PCNX1: variants seen among roughly 807,000 people sequenced by gnomAD.
PCNX1 encodes the protein pecanex 1, also known as pecanex-like protein 1.
PCNX1 carries 78 observed loss-of-function variants against 242.2 expected under a neutral mutation model. The ratio of observed to expected loss-of-function variants is 0.32; its 90% CI spans 0.27 to 0.39. The LOEUF (loss-of-function observed/expected upper bound fraction) is 0.39, where lower values mean the gene tolerates loss of function less well. PCNX1 is among the 10% of genes least tolerant of loss of function. The pLI is 1.00. For missense variants in PCNX1, 2,581 were observed against 2,856.5 expected, an observed-to-expected ratio of 0.90 and a Z score of 2.20; for synonymous variants, 1,024 against 1,032.9, an observed-to-expected ratio of 0.99 and a Z score of 0.17.
At chr14:70,912,555 C>T (rs1209691853) in intron 1 of PCNX1, among the ~76,000 whole-genome samples, 3 of 151,772 alleles carry the variant, frequency 2.0e-5, no homozygotes, top group Non-Finnish European at 4.4e-5. Context: ...ACAACACTGC[C>T]ACAAAATGTT....
intron 2 of PCNX1, among the ~76,000 whole-genome samples, chr14:70,948,459 A>C (rs2057549582): frequency 1.3e-5 from 2 of 152,108 alleles, no homozygotes; most frequent in African/African-American, 4.8e-5. Flanking sequence ...ACTGTATGAT[A>C]GTTACTTACA....
intron 1 of PCNX1, among the ~76,000 whole-genome samples, chr14:70,915,249 T>C (rs1452569709): frequency 1.3e-5 from 2 of 152,186 alleles, no homozygotes. Flanking sequence ...ATAGGTTTTA[T>C]CAGAACTCAA....
intron 25 of PCNX1, among the ~76,000 whole-genome samples, 156 bp downstream of exon 25, chr14:71,055,718 T>C (rs751974394): frequency 1.4e-4 from 22 of 152,188 alleles, no homozygotes; most frequent in Non-Finnish European, 2.8e-4. Context: ...GCAAAATATA[T>C]ATAAATTACA....
intron 1 of PCNX1, among the ~76,000 whole-genome samples, chr14:70,929,248 T>C (rs1006500674): frequency 3.3e-5 from 5 of 152,218 alleles, no homozygotes; most frequent in South Asian, 2.1e-4. Flanking sequence ...GTTTTTTTTT[T>C]TCCCCTCTTA....
intron 1 of PCNX1, among the ~76,000 whole-genome samples, chr14:70,915,929 CAAGGATGAAGGGATAAAGGATG>C (rs1712231295): frequency 6.6e-6 from 1 of 151,810 alleles, no homozygotes; most frequent in South Asian, 2.1e-4. Context: ...AGGAAGGAGG[CAAGGATGAAGGGATAAAGGATG>C]AAGGATGAAG....
At chr14:71,050,791 G>A (rs1474380462) in intron 23 of PCNX1, 31 bp downstream of exon 23, 4 of 1,594,528 alleles carry the variant, frequency 2.5e-6, no homozygotes, top group African/African-American at 2.7e-5. Flanking sequence ...TTATAAGAAT[G>A]GACAGTCATA....
chr14:71,096,350 G>T (rs1046889017), intron 30 of PCNX1, among the ~76,000 whole-genome samples: 2 of 151,990 alleles, frequency 1.3e-5, no homozygotes, highest in African/African-American at 4.8e-5. Context: ...GCATGGGGGC[G>T]TGTGCCTGTA....
intron 19 of PCNX1, among the ~76,000 whole-genome samples, chr14:71,041,360 A>ATGGCTTTG (rs2060698763): frequency 6.6e-6 from 1 of 152,058 alleles, no homozygotes; most frequent in Admixed American, 6.6e-5. Flanking sequence ...ACTTTTTATT[A>ATGGCTTTG]TGGCTTTGAT....
chr14:71,046,915 A>G, intron 20 of PCNX1, 49 bp from the exon 21 acceptor site: 1 of 1,459,450 alleles, frequency 6.9e-7, no homozygotes, highest in Non-Finnish European at 9.1e-7. Context: ...TCACATTGAC[A>G]AACTATACAT....
chr14:70,911,471 T>C (rs2526876), intron 1 of PCNX1, among the ~76,000 whole-genome samples: 96,316 of 152,048 alleles, frequency 0.63, 30,785 homozygotes, highest in South Asian at 0.72. Context: ...AAAATTTTTG[T>C]TTCTTAATTC....
chr14:71,052,138 C>A, intron 24 of PCNX1, 126 bp downstream of exon 24: 1 of 679,604 alleles, frequency 1.5e-6, no homozygotes. Flanking sequence ...TTTGCTAAAA[C>A]TTAATAAATA....
At chr14:70,938,920 C>T (rs867681720) in intron 1 of PCNX1, among the ~76,000 whole-genome samples, 19 of 152,198 alleles carry the variant, frequency 1.2e-4, no homozygotes, top group African/African-American at 3.1e-4. Flanking sequence ...TTTGCGTAGA[C>T]GTGTTTATGG....
At chr14:71,065,427 G>A (rs2061422602) in intron 26 of PCNX1, among the ~76,000 whole-genome samples, 1 of 152,138 alleles carries the variant, frequency 6.6e-6, no homozygotes, top group Admixed American at 6.5e-5. Context: ...CTTTTGAGAA[G>A]TGTCTGTTCA....
At position 71,028,568 on chromosome 14, in the gene PCNX1, T is replaced by C. The variant is rs2060298459; in HGVS notation, c.3467-132T>C. On this transcript the variant is annotated intron_variant, in intron 15 of 35. Coordinates refer to ENST00000304743, the MANE Select transcript of PCNX1 (RefSeq NM_014982.3). ...TGAAAGAAATAATGAAGTAACTGAATTTCTGAAATTCAGATTAGTAGATAT... is the reference window on the plus strand; with the variant it reads ...TGAAAGAAATAATGAAGTAACTGAACTTCTGAAATTCAGATTAGTAGATAT... 2.6e-5 allele frequency: 15 copies of C among 568,496 alleles called. No homozygotes were observed. In the South Asian group the frequency reaches 3.7e-4, roughly 14 times the overall value. The allele number at this position is 568,496 out of a possible 1,614,324, so 35.2% of individuals were successfully genotyped here. A position where few individuals can be genotyped will look rare whatever the true frequency, so the allele number is the denominator to read the frequency against.
At chr14:70,998,750 CAAAAA>C (rs34044438) in intron 8 of PCNX1, among the ~76,000 whole-genome samples, 3 of 89,086 alleles carry the variant, frequency 3.4e-5, no homozygotes, top group East Asian at 3.2e-4. Flanking sequence ...GACCCTATCT[CAAAAA>C]AAAAAAAAAA....
chr14:71,041,529 C>T (rs1043827261), intron 19 of PCNX1, among the ~76,000 whole-genome samples: 7 of 152,016 alleles, frequency 4.6e-5, no homozygotes, highest in African/African-American at 1.7e-4. Context: ...TGAATTTTTG[C>T]GCTATTAATC....
chr14:70,965,160 C>T (rs1024043405), intron 3 of PCNX1, among the ~76,000 whole-genome samples: 2 of 152,142 alleles, frequency 1.3e-5, no homozygotes, highest in Non-Finnish European at 2.9e-5. Context: ...TCCCTTTCAT[C>T]TTCTACCCAT....
intron 10 of PCNX1, chr14:71,012,423 A>C (rs2140567769): frequency 6.4e-6 from 1 of 156,308 alleles, no homozygotes; most frequent in East Asian, 1.9e-4. Context: ...GAAAAATCTT[A>C]AGATTTTAGA....
At chr14:71,026,085 C>T (rs758572553) in intron 13 of PCNX1, 32 bp from the exon 14 acceptor site, 1 of 1,437,036 alleles carries the variant, frequency 7.0e-7, no homozygotes, top group Admixed American at 2.0e-5. Context: ...TTAAAATTAA[C>T]CAAACTGACT....
Sources: gnomAD v4.1 joint callset for allele counts (sites outside exome capture counted in the v4.1 genomes callset) on GRCh38, gnomAD v4.1.1 for gene constraint, MANE v1.5 for transcripts, NCBI Gene and HGNC (gene_info 2026-07-23, HGNC 2026-07-21) for gene names.